The following RBM44 variants were observed in gnomAD, a reference collection of about 807,000 sequenced individuals.
The protein encoded by RBM44 is RNA binding motif protein 44.
RBM44 carries 66 observed loss-of-function variants against 105.1 expected under a neutral mutation model. That is an observed-to-expected ratio of 0.63 (90% CI 0.52 to 0.77). The LOEUF is 0.77. Ranked by LOEUF, RBM44 falls within the 30% of genes least tolerant of loss-of-function variation. The probability of loss-of-function intolerance (pLI) is 0.00; values close to 1 mark genes in which losing one functional copy is unlikely to be tolerated. For missense variants in RBM44, 1,122 were observed against 1,207.8 expected (o/e 0.93, Z 1.05); for synonymous variants, 365 against 417.6 (o/e 0.87, Z 1.54).
At chr2:237,828,618 G>A (rs546748854) in intron 12 of RBM44, among the ~76,000 whole-genome samples, 5 of 152,074 alleles carry the variant, frequency 3.3e-5, no homozygotes, top group Admixed American at 1.3e-4. Flanking sequence ...CACTCTTCCC[G>A]GGATTTGGTA....
intron 15 of RBM44, among the ~76,000 whole-genome samples, chr2:237,836,006 C>T (rs1481810410): frequency 2.6e-5 from 4 of 152,128 alleles, no homozygotes; most frequent in African/African-American, 4.8e-5. Context: ...TAATTGATGA[C>T]GGTAGCCACA....
Position 237,821,832 on chromosome 2 carries a change from G to C in RBM44, c.2205+5G>C, listed in dbSNP as rs753999423. The C allele has an allele frequency of 1.9e-6, 3 of 1,588,190 alleles. No individual in the cohort carries two copies. The highest frequency in any genetic ancestry group is 2.6e-6 in the Non-Finnish European group (3 of 1,158,272). ...CTAAAAAAGACACTCTCTCAAGTAA[G>C]GGTCCTTGAAAGTTCATCAATGCAA... On this transcript the variant is annotated splice_donor_5th_base_variant and intron_variant, in intron 8 of 15. Coordinates refer to ENST00000316997, the MANE Select transcript of RBM44 (RefSeq NM_001080504.3).
At chr2:237,808,855 T>A (rs570561673) in intron 1 of RBM44, among the ~76,000 whole-genome samples, 2 of 152,344 alleles carry the variant, frequency 1.3e-5, no homozygotes, top group African/African-American at 4.8e-5. Flanking sequence ...TTTGATGCAA[T>A]CCCCTTGGCT....
chr2:237,827,617 T>C, intron 12 of RBM44, 114 bp downstream of exon 12: 1 of 668,774 alleles, frequency 1.5e-6, no homozygotes, highest in Non-Finnish European at 2.6e-6. Context: ...TCTCACAGGG[T>C]TTCACAGGCC....
At position 237,820,298 on chromosome 2, in the gene RBM44, C is replaced by A; in HGVS notation, c.1860C>A (p.Arg620=). Residue 620 remains arginine (R), a synonymous_variant, in exon 5 of 16, where the codon CGC becomes CGA. Coordinates refer to ENST00000316997, the MANE Select transcript of RBM44 (RefSeq NM_001080504.3). ...LLNVHYQMCR[R]HCCDIYKLVM... ...ATGTTCACTATCAGATGTGTCGTCG[C>A]CATTGTTGTGATATTTACAAACTTG... 6.2e-7 allele frequency: 1 copy of A among 1,601,560 alleles called. No homozygotes were observed.
chr2:237,838,848 A>G (rs991270736), intron 15 of RBM44, among the ~76,000 whole-genome samples: 1 of 152,246 alleles, frequency 6.6e-6, no homozygotes, highest in African/African-American at 2.4e-5. Flanking sequence ...CTTAATTTCA[A>G]TGAATTGTGA....
chr2:237,836,185 A>C (rs1448631709), intron 15 of RBM44, among the ~76,000 whole-genome samples: 1 of 152,148 alleles, frequency 6.6e-6, no homozygotes, highest in African/African-American at 2.4e-5. Flanking sequence ...GCTGATGCTC[A>C]TTTACCGTTC....
intron 4 of RBM44, among the ~76,000 whole-genome samples, chr2:237,819,656 G>A (rs541351872): frequency 2.0e-5 from 3 of 151,886 alleles, no homozygotes; most frequent in Admixed American, 6.6e-5. Context: ...ATAGTGATTT[G>A]GGGCTTTTTG....
rs2062018451 is a variant in RBM44, at chr2:237,842,212, T to C, written c.*396T>C. ...AGGTTTGTTGTTACATCAATGTTTG[T>C]GAAATGATTTCCATACATAAAAAAT... On this transcript the variant is annotated 3_prime_UTR_variant, in exon 16 of 16. Transcript: ENST00000316997. 1 of 152,146 alleles carries C rather than the reference T, an allele frequency of 6.6e-6. No individual in the cohort carries two copies. The highest frequency in any genetic ancestry group is 1.5e-5 in the Non-Finnish European group (1 of 67,968). 9.4% of individuals were successfully genotyped at this position (152,146 alleles called of 1,614,324 possible). A position where few individuals can be genotyped will look rare whatever the true frequency, so the allele number is the denominator to read the frequency against.
chr2:237,831,544 A>C (rs1393198722), intron 13 of RBM44, among the ~76,000 whole-genome samples: 1 of 152,146 alleles, frequency 6.6e-6, no homozygotes, highest in Non-Finnish European at 1.5e-5. Flanking sequence ...CGGCCTCCCA[A>C]AATGCTGGTA....
Position 237,821,264 on chromosome 2 carries a change from T to G in RBM44, c.2097+10T>G, listed in dbSNP as rs372460070. 3 of 1,571,462 alleles carry G rather than the reference T, an allele frequency of 1.9e-6. No individual in the cohort carries two copies. Among genetic ancestry groups the G allele is most frequent in the Non-Finnish European group, 2.6e-6 (3 of 1,159,140 alleles). On this transcript the variant is annotated intron_variant, in intron 6 of 15. Coordinates refer to ENST00000316997, the MANE Select transcript of RBM44 (RefSeq NM_001080504.3). ...TACTTTTGCTTCCAGGGTATGTATA[T>G]ATGTTTTAGAAATAAAAAATTTTAC...
intron 1 of RBM44, among the ~76,000 whole-genome samples, chr2:237,811,356 C>G (rs1388816855): frequency 1.3e-5 from 2 of 152,116 alleles, no homozygotes; most frequent in African/African-American, 2.4e-5. Flanking sequence ...TGAGCCTCAA[C>G]CTCCCAGGCT....
chr2:237,824,600 G>GA (rs2061829278), intron 10 of RBM44, among the ~76,000 whole-genome samples, 181 bp downstream of exon 10: 1 of 152,014 alleles, frequency 6.6e-6, no homozygotes, highest in Admixed American at 6.6e-5. Context: ...TTTTAAAGAG[G>GA]AAAAAACTGC....
At chr2:237,804,302 G>A (rs2061576926) in intron 1 of RBM44, among the ~76,000 whole-genome samples, 1 of 152,190 alleles carries the variant, frequency 6.6e-6, no homozygotes, top group South Asian at 2.1e-4. Context: ...TTATTTTCCT[G>A]TGGGTATATA....
chr2:237,831,443 G>C (rs1213155805), intron 13 of RBM44, among the ~76,000 whole-genome samples: 1 of 151,884 alleles, frequency 6.6e-6, no homozygotes, highest in Non-Finnish European at 1.5e-5. Flanking sequence ...ACCTTGCCTG[G>C]CTAATTTTTG....
At chr2:237,830,473 T>A (rs2061892597) in intron 13 of RBM44, among the ~76,000 whole-genome samples, 1 of 152,150 alleles carries the variant, frequency 6.6e-6, no homozygotes, top group Admixed American at 6.5e-5. Flanking sequence ...TATAATTTAT[T>A]AATTTTTTTC....
At position 237,841,662 on chromosome 2, in the gene RBM44, C is replaced by T. The variant is rs1355039131; in HGVS notation, c.*23-177C>T. ...AAAGAAATATGAGTTAAAATGATTGCTAGATACAAAGACAAGACACAAAAA... is the reference window on the plus strand; with the variant it reads ...AAAGAAATATGAGTTAAAATGATTGTTAGATACAAAGACAAGACACAAAAA... On this transcript the variant is annotated intron_variant, in intron 15 of 15. Coordinates refer to ENST00000316997, the MANE Select transcript of RBM44 (RefSeq NM_001080504.3). The surrounding 1 kb of genome is among the most constrained non-coding windows in gnomAD (Gnocchi z 4.5). Among the ~76,000 whole-genome samples, 2 of 151,988 alleles carry T rather than the reference C, an allele frequency of 1.3e-5. No homozygotes were observed. The highest frequency in any genetic ancestry group is 2.9e-5 in the Non-Finnish European group (2 of 67,984).
Position 237,798,812 on chromosome 2 carries a change from G to C in RBM44, c.-68G>C, listed in dbSNP as rs984849156. The stretch of plus-strand genomic sequence containing the variant: ...CTCGGAGGCGGCTGCGGAGAGCGGG[G>C]CGCTGGCCCGTGGAGGCGGCAGCGG... On this transcript the variant is annotated 5_prime_UTR_variant, in exon 1 of 16. Transcript: ENST00000316997. This position sits in a 1 kb window ranked among gnomAD's most constrained non-coding sequence, Gnocchi z 4.3. 6.5e-6 allele frequency: 1 copy of C among 152,772 alleles called. No homozygotes were observed. The highest frequency in any genetic ancestry group is 6.5e-5 in the Admixed American group (1 of 15,288). 9.5% of individuals were successfully genotyped at this position (152,772 alleles called of 1,614,324 possible).
At chr2:237,824,253 T>TA (rs1273902713) in intron 9 of RBM44, 38 bp from the exon 10 acceptor site, 6 of 1,608,548 alleles carry the variant, frequency 3.7e-6, no homozygotes, top group Non-Finnish European at 5.1e-6. Context: ...TGTTGGACGT[T>TA]ACGTGTCATT....
Sources: allele counts gnomAD v4.1 joint callset (sites outside exome capture counted in the v4.1 genomes callset), GRCh38; gene constraint gnomAD v4.1.1; non-coding constraint Gnocchi (gnomAD v3.1); transcripts MANE v1.5; gene names NCBI Gene and HGNC (gene_info 2026-07-23, HGNC 2026-07-21).